Variants in LRRC37A2 observed in about 807,000 individuals in gnomAD.
LRRC37A2 encodes the protein leucine-rich repeat-containing protein 37A2.
In LRRC37A2, 9 loss-of-function variants were observed where a neutral mutation model predicts 68.8. The observed-to-expected ratio is 0.13, with a 90% confidence interval of 0.08 to 0.23. LRRC37A2 has a LOEUF of 0.23. Among genes scored for constraint, LRRC37A2 ranks in the 10% least tolerant of loss-of-function variants. The probability of loss-of-function intolerance (pLI) is 1.00; values close to 1 mark genes in which losing one functional copy is unlikely to be tolerated. For synonymous variants in LRRC37A2, 63 were observed against 367.6 expected, an observed-to-expected ratio of 0.17 and a Z score of 9.48; for missense variants, 168 against 950.4, an observed-to-expected ratio of 0.18 and a Z score of 10.82.
chr17:46,774,350 ACGCG>A, the LRRC37A2 span, among the ~76,000 whole-genome samples: 1 of 152,102 alleles, frequency 6.6e-6, no homozygotes, highest in African/African-American at 2.4e-5. Flanking sequence ...CTCATGGGAC[ACGCG>A]CGCGCGCGCA....
the LRRC37A2 span, among the ~76,000 whole-genome samples, chr17:46,806,688 A>G: frequency 6.6e-6 from 1 of 152,240 alleles, no homozygotes; most frequent in Non-Finnish European, 1.5e-5. Context: ...GAGGCTAGAC[A>G]TTCTCTCCTC....
At chr17:46,809,216 G>A in the LRRC37A2 span, among the ~76,000 whole-genome samples, 1 of 152,212 alleles carries the variant, frequency 6.6e-6, no homozygotes, top group Non-Finnish European at 1.5e-5. Context: ...CATGGGAGGT[G>A]TCAGAGCAGG....
At chr17:46,746,053 C>T in the LRRC37A2 span, among the ~76,000 whole-genome samples, 1 of 152,182 alleles carries the variant, frequency 6.6e-6, no homozygotes, top group Non-Finnish European at 1.5e-5. Context: ...CTTCCCTCTA[C>T]CTGACATCCT....
At chr17:46,737,160 G>A in the LRRC37A2 span, among the ~76,000 whole-genome samples, 411 of 152,194 alleles carry the variant, frequency 2.7e-3, 9 homozygotes, top group Admixed American at 0.026. Context: ...CCCTCAGATG[G>A]CTCATAGTCC....
chr17:46,790,722 C>T, the LRRC37A2 span, among the ~76,000 whole-genome samples: 1 of 152,206 alleles, frequency 6.6e-6, no homozygotes, highest in African/African-American at 2.4e-5. Flanking sequence ...TCCATGTTCA[C>T]GGCCACAGAA....
At chr17:46,793,547 A>G in the LRRC37A2 span, among the ~76,000 whole-genome samples, 617 of 152,240 alleles carry the variant, frequency 4.1e-3, 6 homozygotes, top group African/African-American at 0.014. Flanking sequence ...CGCCCAAGGC[A>G]TTGCAGGAGG....
the LRRC37A2 span, among the ~76,000 whole-genome samples, chr17:46,722,696 G>A: frequency 1.3e-5 from 2 of 152,170 alleles, no homozygotes; most frequent in Non-Finnish European, 2.9e-5. Context: ...CCTGGGAAGA[G>A]TTATGAGCAC....
the LRRC37A2 span, chr17:46,973,109 G>A: frequency 6.5e-6 from 1 of 152,900 alleles, no homozygotes; most frequent in Non-Finnish European, 1.5e-5. Flanking sequence ...TTAATTAAAT[G>A]TGTGTGCATG....
the LRRC37A2 span, among the ~76,000 whole-genome samples, chr17:46,685,490 G>A: frequency 6.6e-6 from 1 of 151,944 alleles, no homozygotes; most frequent in Non-Finnish European, 1.5e-5. Context: ...CTTGCATATA[G>A]GTCAAACTAG....
At chr17:46,866,643 A>T in the LRRC37A2 span, among the ~76,000 whole-genome samples, 2 of 152,232 alleles carry the variant, frequency 1.3e-5, no homozygotes, top group Admixed American at 1.3e-4. Context: ...CACCCCGGGC[A>T]GCACAAGGCT....
At chr17:46,931,790 C>T in the LRRC37A2 span, 22 of 516,354 alleles carry the variant, frequency 4.3e-5, no homozygotes, top group African/African-American at 3.8e-4. Context: ...AGCCTGCTTC[C>T]TGTCCCCTGT....
the LRRC37A2 span, among the ~76,000 whole-genome samples, chr17:47,027,857 G>A: frequency 1.3e-5 from 2 of 152,212 alleles, no homozygotes; most frequent in Non-Finnish European, 2.9e-5. Context: ...GTACTCAGGT[G>A]GCATCTGGTA....
At chr17:46,874,323 G>A in the LRRC37A2 span, among the ~76,000 whole-genome samples, 1 of 152,182 alleles carries the variant, frequency 6.6e-6, no homozygotes, top group South Asian at 2.1e-4. Context: ...ACCATCATGT[G>A]TCATAGGAAG....
chr17:46,979,616 G>A, the LRRC37A2 span, among the ~76,000 whole-genome samples: 2 of 152,082 alleles, frequency 1.3e-5, no homozygotes, highest in Non-Finnish European at 2.9e-5. Flanking sequence ...GAGTCGCCGG[G>A]ACCCCTGGCG....
At chr17:46,929,832 C>T in the LRRC37A2 span, 20 of 494,004 alleles carry the variant, frequency 4.0e-5, no homozygotes, top group South Asian at 2.6e-4. Flanking sequence ...GGAATGGAAG[C>T]GCTTGCCTCC....
At chr17:46,836,095 C>CGTTGTGTGT in the LRRC37A2 span, among the ~76,000 whole-genome samples, 5 of 126,502 alleles carry the variant, frequency 4.0e-5, no homozygotes, top group East Asian at 1.3e-3. Context: ...GAGACGCTGA[C>CGTTGTGTGT]GTGTGTGTGT....
At chr17:46,970,820 G>C in the LRRC37A2 span, among the ~76,000 whole-genome samples, 1 of 152,224 alleles carries the variant, frequency 6.6e-6, no homozygotes, top group Non-Finnish European at 1.5e-5. Flanking sequence ...ATGAACCTTT[G>C]TCATCATACA....
At chr17:46,945,092 T>C in the LRRC37A2 span, among the ~76,000 whole-genome samples, 1 of 152,136 alleles carries the variant, frequency 6.6e-6, no homozygotes. Context: ...GGAAGAGCTT[T>C]CTGTGAGAGG....
At chr17:46,377,577 T>A in the LRRC37A2 span, among the ~76,000 whole-genome samples, 2 of 31,086 alleles carry the variant, frequency 6.4e-5, no homozygotes, top group Non-Finnish European at 1.5e-4. Flanking sequence ...GGATCTTTTT[T>A]TTTTTTTTTT....
Sources: gnomAD v4.1 joint callset for allele counts (sites outside exome capture counted in the v4.1 genomes callset) on GRCh38, gnomAD v4.1.1 for gene constraint, MANE v1.5 for transcripts, NCBI Gene and HGNC (gene_info 2026-07-23, HGNC 2026-07-21) for gene names.